SYT16: variants seen among roughly 807,000 people sequenced by gnomAD.
SYT16 encodes synaptotagmin-16.
A neutral mutation model predicts 61.4 loss-of-function variants in SYT16; 42 were observed. That is an observed-to-expected ratio of 0.68 (90% CI 0.53 to 0.89). SYT16 has a LOEUF of 0.89. SYT16 is among the 40% of genes least tolerant of loss of function. The pLI is 0.00. For missense variants in SYT16, 804 were observed against 807.3 expected (o/e 1.00, Z 0.05); for synonymous variants, 314 against 302.3 (o/e 1.04, Z -0.40).
intron 1 of SYT16, among the ~76,000 whole-genome samples, chr14:61,928,650 C>A (rs1319720282): frequency 6.6e-6 from 1 of 152,150 alleles, no homozygotes; most frequent in South Asian, 2.1e-4. Context: ...ACATTTTGTT[C>A]TCATTTACAG....
chr14:61,949,241 C>A (rs2050568969), intron 1 of SYT16, among the ~76,000 whole-genome samples: 1 of 152,196 alleles, frequency 6.6e-6, no homozygotes, highest in Non-Finnish European at 1.5e-5. Context: ...AGGCAAGACA[C>A]AACCCTGTCC....
At chr14:61,859,755 T>A (rs1315567794) in intron 1 of SYT16, among the ~76,000 whole-genome samples, 1 of 152,036 alleles carries the variant, frequency 6.6e-6, no homozygotes, top group Non-Finnish European at 1.5e-5. Context: ...GATGAAGGCA[T>A]CTGGGAAGTG....
rs2056695887 is a variant in SYT16 at position 62,081,219 on chromosome 14, A to G, written c.1379A>G (p.His460Arg). The G allele has an allele frequency of 1.2e-6, 2 of 1,613,974 alleles. No individual in the cohort carries two copies. Among genetic ancestry groups the G allele is most frequent in the East Asian group, 4.5e-5 (2 of 44,876 alleles). ...AAACTATTCTATCTCAGCCACCTGC[A>G]CCCAGAAGGGGAAATGAAAGTGACT... is the stretch of plus-strand genomic sequence containing the variant. ...GEKLFYLSHLHPEGEMKVTLV... is the reference protein window; with the variant it reads ...GEKLFYLSHLRPEGEMKVTLV... Residue 460 changes from histidine to arginine, a missense_variant, in exon 6 of 8, where the codon CAC (histidine) becomes CGC (arginine). Transcript: ENST00000683842.
intron 4 of SYT16, 77 bp from the exon 5 acceptor site, chr14:62,075,058 T>G: frequency 6.8e-7 from 1 of 1,464,802 alleles, no homozygotes; most frequent in East Asian, 2.5e-5. Flanking sequence ...TTGTTGTGAC[T>G]GCAATTACTC....
rs1203164101 is a variant in SYT16 at position 62,100,986 on chromosome 14, T to C, written c.*279T>C. The C allele has an allele frequency of 3.0e-6, 1 of 328,566 alleles. No homozygotes were observed. Among genetic ancestry groups the C allele is most frequent in the African/African-American group, 2.1e-5 (1 of 47,242 alleles). The allele number at this position is 328,566 out of a possible 1,614,324, so 20.4% of individuals were successfully genotyped here. A position where few individuals can be genotyped will look rare whatever the true frequency, so the allele number is the denominator to read the frequency against. On this transcript the variant is annotated 3_prime_UTR_variant, in exon 8 of 8. Coordinates refer to ENST00000683842, the MANE Select transcript of SYT16 (RefSeq NM_001367656.1). ...AATTTGTGCCAATAGATCATTGAGT[T>C]TTAGTTCAGGGTATGGGGTGAAGCT...
At chr14:61,938,900 C>T (rs1435604215) in intron 1 of SYT16, among the ~76,000 whole-genome samples, 1 of 152,132 alleles carries the variant, frequency 6.6e-6, no homozygotes, top group Non-Finnish European at 1.5e-5. Context: ...TTTGGGAGGC[C>T]AAGGCGGGCG....
intron 1 of SYT16, among the ~76,000 whole-genome samples, chr14:61,855,089 T>C: frequency 6.6e-6 from 1 of 152,184 alleles, no homozygotes; most frequent in African/African-American, 2.4e-5. Context: ...TAGCTTGGTG[T>C]CCAAAAAGTT....
At chr14:61,928,889 C>A (rs2049645860) in intron 1 of SYT16, among the ~76,000 whole-genome samples, 1 of 152,126 alleles carries the variant, frequency 6.6e-6, no homozygotes. Context: ...CCATCTCCTG[C>A]AGGAAGAAAG....
chr14:61,818,718 T>A (rs573952840), intron 1 of SYT16, among the ~76,000 whole-genome samples: 1 of 151,922 alleles, frequency 6.6e-6, no homozygotes, highest in South Asian at 2.1e-4. Context: ...ATTATTAATG[T>A]TATAGAATAG....
intron 1 of SYT16, among the ~76,000 whole-genome samples, chr14:61,912,929 G>A (rs939850040): frequency 2.0e-5 from 3 of 152,142 alleles, no homozygotes; most frequent in African/African-American, 7.2e-5. Context: ...ATGAATGAAT[G>A]AATAAAGATA....
chr14:61,931,718 C>T (rs968499915), intron 1 of SYT16, among the ~76,000 whole-genome samples: 5 of 152,106 alleles, frequency 3.3e-5, no homozygotes, highest in East Asian at 1.9e-4. Context: ...TTGCTGTATC[C>T]GTGTGTACAT....
intron 1 of SYT16, chr14:61,832,070 C>T (rs1220322372): frequency 8.3e-6 from 6 of 720,956 alleles, no homozygotes; most frequent in Non-Finnish European, 1.6e-5. Context: ...CAACCGTCTT[C>T]CACTCGTTCA....
chr14:62,065,470 G>T (rs2056022363), intron 3 of SYT16, among the ~76,000 whole-genome samples: 1 of 152,022 alleles, frequency 6.6e-6, no homozygotes, highest in Non-Finnish European at 1.5e-5. Context: ...CAGGCAAGGA[G>T]AATTTTTGCT....
rs114782768 is a variant in SYT16 at position 62,057,154 on chromosome 14, A to T, written c.524-12449A>T. Among the ~76,000 whole-genome samples the T allele has an allele frequency of 2.6e-5, 4 of 152,316 alleles. No homozygotes were observed. The East Asian group carries it at 7.7e-4, about 29-fold the overall frequency. On this transcript the variant is annotated intron_variant, in intron 3 of 7. Coordinates refer to ENST00000683842, the MANE Select transcript of SYT16 (RefSeq NM_001367656.1). ...GATGGTTCCCACCCAGATTGAGGGT[A>T]GGTCTGCCTTTCCCAGTTCACTCAC...
At chr14:62,049,897 C>T (rs371602568) in intron 3 of SYT16, among the ~76,000 whole-genome samples, 6,441 of 152,196 alleles carry the variant, frequency 0.042, 169 homozygotes, top group Middle Eastern at 0.092. Flanking sequence ...CTCTGGCTGC[C>T]CTTAACATTT....
chr14:61,966,003 A>G (rs373934727), intron 1 of SYT16, among the ~76,000 whole-genome samples: 10 of 151,860 alleles, frequency 6.6e-5, no homozygotes, highest in South Asian at 2.1e-4. Context: ...AAGCTGCATC[A>G]TCACACTTAT....
At chr14:61,975,032 T>C (rs561586585) in intron 2 of SYT16, among the ~76,000 whole-genome samples, 71 of 152,384 alleles carry the variant, frequency 4.7e-4, no homozygotes, top group Admixed American at 8.5e-4. Flanking sequence ...TAATGACTGC[T>C]GTTATAAAAT....
intron 1 of SYT16, among the ~76,000 whole-genome samples, chr14:61,901,336 T>C (rs548534799): frequency 6.6e-6 from 1 of 152,308 alleles, no homozygotes; most frequent in South Asian, 2.1e-4. Flanking sequence ...TGCCAGGCCT[T>C]TCCTAATTAC....
At chr14:61,930,216 G>A (rs1261539216) in intron 1 of SYT16, among the ~76,000 whole-genome samples, 1 of 152,060 alleles carries the variant, frequency 6.6e-6, no homozygotes, top group Non-Finnish European at 1.5e-5. Flanking sequence ...CTTCATCCAT[G>A]AGTTTTATGC....
Sources: allele counts gnomAD v4.1 joint callset (sites outside exome capture counted in the v4.1 genomes callset), GRCh38; gene constraint gnomAD v4.1.1; transcripts MANE v1.5; gene names NCBI Gene and HGNC (gene_info 2026-07-23, HGNC 2026-07-21).